The following NANOS3 variants were observed in gnomAD, a reference collection of about 807,000 sequenced individuals.
The protein encoded by NANOS3 is nanos homolog 3.
A neutral mutation model predicts 13.8 loss-of-function variants in NANOS3; 11 were observed. The observed-to-expected ratio is 0.80, with a 90% CI of 0.50 to 1.32. NANOS3 has a LOEUF of 1.32. NANOS3 is among the 40% of genes most tolerant of loss of function. The pLI, the probability that NANOS3 is intolerant of heterozygous loss-of-function variation, is 0.00. For synonymous variants in NANOS3, 119 were observed against 115.4 expected (o/e 1.03, Z -0.20); for missense variants, 221 against 263.8 (o/e 0.84, Z 1.12).
upstream of NANOS3, among the ~76,000 whole-genome samples, chr19:13,877,054 A>G (rs897985168): frequency 2.0e-5 from 3 of 152,052 alleles, no homozygotes; most frequent in Admixed American, 6.5e-5. Flanking sequence ...CCCTGTGACA[A>G]TAAGGAACCT....
chr19:13,862,748 A>G (rs549708664), upstream of NANOS3, among the ~76,000 whole-genome samples: 1 of 152,182 alleles, frequency 6.6e-6, no homozygotes, highest in East Asian at 1.9e-4. Flanking sequence ...CATGTTGGTC[A>G]GGCTGGTCTC....
At chr19:13,867,868 C>A (rs1355482850) in intron 1 of NANOS3, among the ~76,000 whole-genome samples, 1 of 152,104 alleles carries the variant, frequency 6.6e-6, no homozygotes, top group Admixed American at 6.6e-5. Flanking sequence ...TGCCCATCGT[C>A]ACCTACCCTG....
chr19:13,867,817 G>A (rs901312366), intron 1 of NANOS3, among the ~76,000 whole-genome samples: 3 of 152,026 alleles, frequency 2.0e-5, no homozygotes, highest in Non-Finnish European at 2.9e-5. Flanking sequence ...CAAAGACACT[G>A]TCACCCACAA....
At chr19:13,862,426 C>T (rs578248158), upstream of NANOS3, among the ~76,000 whole-genome samples, 155 of 152,294 alleles carry the variant, frequency 1.0e-3, no homozygotes, top group Middle Eastern at 0.014. Flanking sequence ...GACTCTGCTG[C>T]CCCCTGCTGG....
intron 1 of NANOS3, among the ~76,000 whole-genome samples, chr19:13,867,529 C>T (rs1390330203): frequency 1.3e-5 from 2 of 151,876 alleles, no homozygotes; most frequent in Admixed American, 6.6e-5. Flanking sequence ...CTTCCCAGAG[C>T]GCCGAGCCAC....
intron 1 of NANOS3, chr19:13,865,461 C>G (rs1447998031): frequency 1.4e-5 from 2 of 144,284 alleles, no homozygotes; most frequent in East Asian, 4.1e-4. Flanking sequence ...CCGGGCGGGC[C>G]GGGGGCACGG....
Position 13,877,858 on chromosome 19 carries a change from G to A in NANOS3, c.517+93G>A, listed in dbSNP as rs1045784086. 1.4e-5 allele frequency: 21 copies of A among 1,457,714 alleles called. No individual in the cohort carries two copies. The African/African-American group carries it at 2.1e-4, about 15-fold the overall frequency. 90.3% of individuals were successfully genotyped at this position (1,457,714 alleles called of 1,614,324 possible). On this transcript the variant is annotated intron_variant, in intron 1 of 1. Coordinates refer to ENST00000339133, the MANE Select transcript of NANOS3 (RefSeq NM_001098622.3). The stretch of plus-strand genomic sequence containing the variant: ...TTAGCCCCAGTACCCACCTCCAAGG[G>A]TTAGGGGAAGACCTTAGAGAGAGCT...
chr19:13,864,358 G>A (rs1976199625), upstream of NANOS3, among the ~76,000 whole-genome samples: 1 of 152,036 alleles, frequency 6.6e-6, no homozygotes, highest in African/African-American at 2.4e-5. Flanking sequence ...ACATCCCCAC[G>A]TGCCCCTGAA....
upstream of NANOS3, among the ~76,000 whole-genome samples, chr19:13,863,919 G>A (rs1182199243): frequency 2.0e-5 from 3 of 152,038 alleles, no homozygotes; most frequent in Admixed American, 6.6e-5. Context: ...AGGGGTGCGC[G>A]ATCAGGTGGG....
In NANOS3 at chr19:13,879,198, C is replaced by T. The variant is rs140401018; in HGVS notation, c.518-1244C>T. On this transcript the variant is annotated intron_variant, in intron 1 of 1. Coordinates refer to ENST00000339133, the MANE Select transcript of NANOS3 (RefSeq NM_001098622.3). Reference sequence around the variant, plus strand: ...TCGAGATCCACCCGCCTTAGCCTCCCGAAGTGCTGATATTACAGGCTTGAG... The same window carrying T: ...TCGAGATCCACCCGCCTTAGCCTCCTGAAGTGCTGATATTACAGGCTTGAG... 5.3e-4 allele frequency among the ~76,000 whole-genome samples: 81 copies of T among 152,206 alleles called. 1 individual carries two copies. The East Asian group carries it at 0.013, about 24-fold the overall frequency.
At chr19:13,876,952 T>C (rs1034049431), upstream of NANOS3, among the ~76,000 whole-genome samples, 1 of 152,074 alleles carries the variant, frequency 6.6e-6, no homozygotes, top group Non-Finnish European at 1.5e-5. Flanking sequence ...CCTCGCAGGA[T>C]GCCCCCCCAC....
chr19:13,870,446 G>A (rs903385822), intron 1 of NANOS3, among the ~76,000 whole-genome samples: 4 of 151,704 alleles, frequency 2.6e-5, no homozygotes, highest in African/African-American at 4.8e-5. Context: ...TTGCTCACCT[G>A]CCTCTGCTAG....
chr19:13,879,643 G>A (rs1189731728), intron 1 of NANOS3, among the ~76,000 whole-genome samples: 1 of 151,996 alleles, frequency 6.6e-6, no homozygotes, highest in Non-Finnish European at 1.5e-5. Flanking sequence ...AGGGAGGATC[G>A]CTTGGGTCCA....
At chr19:13,866,869 C>T (rs1976249459) in intron 1 of NANOS3, among the ~76,000 whole-genome samples, 1 of 152,232 alleles carries the variant, frequency 6.6e-6, no homozygotes, top group Non-Finnish European at 1.5e-5. Context: ...CACAGTCACC[C>T]CCACCACACA....
chr19:13,868,565 C>T (rs1481616737), intron 1 of NANOS3, among the ~76,000 whole-genome samples: 1 of 151,628 alleles, frequency 6.6e-6, no homozygotes. Flanking sequence ...CCTATAGTCT[C>T]AGGTACTAGG....
At chr19:13,875,040 C>T (rs763576986), upstream of NANOS3, 1 of 438,040 alleles carries the variant, frequency 2.3e-6, no homozygotes, top group South Asian at 1.8e-5. Flanking sequence ...CCGCCACAGT[C>T]ACTCAGCCTG....
intron 1 of NANOS3, among the ~76,000 whole-genome samples, chr19:13,867,184 G>A (rs1246645177): frequency 2.0e-5 from 3 of 152,002 alleles, no homozygotes; most frequent in Non-Finnish European, 2.9e-5. Flanking sequence ...CAGGGGATCC[G>A]CTGGCTTCAG....
upstream of NANOS3, chr19:13,862,100 C>G (rs978406584): frequency 6.6e-6 from 1 of 152,320 alleles, no homozygotes; most frequent in Non-Finnish European, 1.5e-5. Flanking sequence ...CAGGAATCCT[C>G]TCTCCTGGTC....
chr19:13,864,408 G>C (rs1373329466), upstream of NANOS3, among the ~76,000 whole-genome samples: 1 of 152,140 alleles, frequency 6.6e-6, no homozygotes, highest in African/African-American at 2.4e-5. Flanking sequence ...TCTGGGACCT[G>C]CTGGGGGTCT....
Sources: gnomAD v4.1 joint callset for allele counts (sites outside exome capture counted in the v4.1 genomes callset) on GRCh38, gnomAD v4.1.1 for gene constraint, MANE v1.5 for transcripts, NCBI Gene and HGNC (gene_info 2026-07-23, HGNC 2026-07-21) for gene names.